Variants in PLEKHA7 observed in about 807,000 individuals in gnomAD.
PLEKHA7 encodes the protein pleckstrin homology domain containing A7.
A neutral mutation model predicts 170.0 loss-of-function variants in PLEKHA7; 104 were observed. The ratio of observed to expected loss-of-function variants is 0.61; its 90% CI spans 0.52 to 0.72. PLEKHA7 has a LOEUF of 0.72. Among genes scored for constraint, PLEKHA7 ranks in the 30% least tolerant of loss-of-function variants. The pLI is 0.00. For synonymous variants in PLEKHA7, 648 were observed against 660.8 expected (o/e 0.98, Z 0.30); for missense variants, 1,615 against 1,671.7 (o/e 0.97, Z 0.59).
intron 3 of PLEKHA7, among the ~76,000 whole-genome samples, chr11:16,906,224 T>TAGTAAGGAAGGAAGGA (rs1414502002): frequency 8.6e-6 from 1 of 116,222 alleles, no homozygotes; most frequent in Non-Finnish European, 1.7e-5. Flanking sequence ...TAAAATGAGG[T>TAGTAAGGAAGGAAGGA]AGGAAGGAAG....
intron 3 of PLEKHA7, among the ~76,000 whole-genome samples, chr11:16,941,792 A>G (rs1387469529): frequency 3.3e-5 from 5 of 152,236 alleles, no homozygotes; most frequent in Non-Finnish European, 7.3e-5. Flanking sequence ...ACCTTAAAAA[A>G]ACAGACTACT....
At chr11:16,803,366 T>C in intron 13 of PLEKHA7, 71 bp from the exon 14 acceptor site, 1 of 1,482,462 alleles carries the variant, frequency 6.7e-7, no homozygotes. Flanking sequence ...AGAAAATTCA[T>C]CCTATAATGG....
intron 23 of PLEKHA7, chr11:16,788,686 A>T (rs967957636): frequency 3.8e-6 from 1 of 263,314 alleles, no homozygotes; most frequent in Non-Finnish European, 7.5e-6. Flanking sequence ...CTCACACAGC[A>T]TCTGCTGGCA....
At chr11:16,804,597 G>C (rs987764849) in intron 13 of PLEKHA7, among the ~76,000 whole-genome samples, 10 of 152,248 alleles carry the variant, frequency 6.6e-5, no homozygotes, top group Middle Eastern at 3.4e-3. Flanking sequence ...CCATTCCCAC[G>C]ATCCCTTTGG....
intron 3 of PLEKHA7, among the ~76,000 whole-genome samples, chr11:16,992,075 A>ACCC (rs35949484): frequency 6.6e-6 from 1 of 150,968 alleles, no homozygotes; most frequent in Non-Finnish European, 1.5e-5. Context: ...TGGTCCAGGG[A>ACCC]CCCCCCCCAG....
intron 3 of PLEKHA7, among the ~76,000 whole-genome samples, chr11:16,927,853 G>A (rs1471981446): frequency 1.3e-5 from 2 of 152,150 alleles, no homozygotes; most frequent in South Asian, 2.1e-4. Flanking sequence ...CTAATTGTAC[G>A]ACAGGAAATT....
chr11:16,807,962 C>T (rs1168649622), intron 13 of PLEKHA7, among the ~76,000 whole-genome samples: 1 of 152,216 alleles, frequency 6.6e-6, no homozygotes, highest in Non-Finnish European at 1.5e-5. Flanking sequence ...AAAACAGGGG[C>T]TCTCAAACTT....
At chr11:16,984,754 T>C (rs1863630212) in intron 3 of PLEKHA7, among the ~76,000 whole-genome samples, 1 of 152,252 alleles carries the variant, frequency 6.6e-6, no homozygotes, top group Non-Finnish European at 1.5e-5. Context: ...GAGACCTTTA[T>C]TGATTTTGTT....
At chr11:16,865,199 C>G (rs1445662650) in intron 4 of PLEKHA7, among the ~76,000 whole-genome samples, 1 of 152,188 alleles carries the variant, frequency 6.6e-6, no homozygotes, top group Non-Finnish European at 1.5e-5. Context: ...TGAAGTGTTT[C>G]ACAAAAACCA....
intron 9 of PLEKHA7, among the ~76,000 whole-genome samples, chr11:16,836,382 T>C (rs971473123): frequency 5.9e-5 from 9 of 152,224 alleles, no homozygotes. Flanking sequence ...TCCCTCCTTT[T>C]AAAGGTAAAT....
chr11:16,925,365 G>A (rs1859437293), intron 3 of PLEKHA7, among the ~76,000 whole-genome samples: 1 of 152,298 alleles, frequency 6.6e-6, no homozygotes, highest in African/African-American at 2.4e-5. Flanking sequence ...AAACTCCAGC[G>A]GCCAGCTACG....
chr11:16,778,710 C>G lies in PLEKHA7; in HGVS notation c.*288G>C, dbSNP rs1347304105. The stretch of plus-strand genomic sequence containing the variant: ...TCCTCAACCTTCCTGCCACTCAGCC[C>G]TTGAGGGGAACATTAGAAAATAGAT... On this transcript the variant is annotated 3_prime_UTR_variant, in exon 27 of 27. Coordinates refer to ENST00000531066, the MANE Select transcript of PLEKHA7 (RefSeq NM_001329630.2). 1 of 489,236 alleles carries G rather than the reference C, an allele frequency of 2.0e-6. No individual in the cohort carries two copies. Among genetic ancestry groups the G allele is most frequent in the East Asian group, 3.5e-5 (1 of 28,330 alleles). The allele number at this position is 489,236 out of a possible 1,614,324, so 30.3% of individuals were successfully genotyped here. A position where few individuals can be genotyped will look rare whatever the true frequency, so the allele number is the denominator to read the frequency against.
chr11:16,908,080 G>C (rs1387079104), intron 3 of PLEKHA7, among the ~76,000 whole-genome samples: 1 of 151,626 alleles, frequency 6.6e-6, no homozygotes, highest in African/African-American at 2.4e-5. Context: ...CTCGTTAAGA[G>C]TCATCACCAC....
At chr11:16,801,126 G>C (rs1198403237) in intron 16 of PLEKHA7, 51 bp from the exon 17 acceptor site, 19 of 1,523,638 alleles carry the variant, frequency 1.2e-5, no homozygotes, top group Non-Finnish European at 1.6e-5. Flanking sequence ...TGCCCCCTTG[G>C]AAGGCCTCAC....
chr11:16,835,341 G>A (rs1851433092), intron 9 of PLEKHA7, among the ~76,000 whole-genome samples: 1 of 152,172 alleles, frequency 6.6e-6, no homozygotes, highest in East Asian at 1.9e-4. Context: ...GGAAGAGGCT[G>A]GGGGAAGTGG....
At chr11:16,863,044 C>G (rs529533643) in intron 4 of PLEKHA7, among the ~76,000 whole-genome samples, 1 of 152,256 alleles carries the variant, frequency 6.6e-6, no homozygotes, top group East Asian at 1.9e-4. Flanking sequence ...AGCAACTCCC[C>G]TCTCCAGTGC....
At chr11:16,800,913 A>G (rs1009970826) in intron 17 of PLEKHA7, 61 bp downstream of exon 17, 7 of 1,427,946 alleles carry the variant, frequency 4.9e-6, no homozygotes, top group Non-Finnish European at 6.9e-6. Flanking sequence ...GTCTCTTGGA[A>G]AAACAAAAAA....
In PLEKHA7 at chr11:16,817,350, G is replaced by A; in HGVS notation, c.1344-28C>T. 1 of 1,572,544 alleles carries A rather than the reference G, an allele frequency of 6.4e-7. No homozygotes were observed. The highest frequency in any genetic ancestry group is 1.1e-5 in the South Asian group (1 of 87,376). ...GAGGAGAAAGGGTAAGAACGGGTCA[G>A]GCAACCAAGCGAGGGTTCTGCAGGC... On this transcript the variant is annotated intron_variant, in intron 10 of 26. Coordinates refer to ENST00000531066, the MANE Select transcript of PLEKHA7 (RefSeq NM_001329630.2). This position sits in a 1 kb window ranked among gnomAD's most constrained non-coding sequence, Gnocchi z 4.4.
chr11:16,836,091 C>CT (rs765819123), intron 9 of PLEKHA7, among the ~76,000 whole-genome samples: 3 of 152,210 alleles, frequency 2.0e-5, no homozygotes, highest in African/African-American at 4.8e-5. Flanking sequence ...CTAAACCTGT[C>CT]TAATCAGTAT....
Sources: gnomAD v4.1 joint callset for allele counts (sites outside exome capture counted in the v4.1 genomes callset) on GRCh38, gnomAD v4.1.1 for gene constraint, Gnocchi (gnomAD v3.1) non-coding constraint, MANE v1.5 for transcripts, NCBI Gene and HGNC (gene_info 2026-07-23, HGNC 2026-07-21) for gene names.